Variants in SH3KBP1 observed in about 807,000 individuals in gnomAD.
SH3KBP1 encodes the protein SH3 domain-containing kinase-binding protein 1.
Under a neutral mutation model 50.1 loss-of-function variants are expected in SH3KBP1, and 8 were observed. That is an observed-to-expected ratio of 0.16 (90% CI 0.09 to 0.29). The LOEUF is 0.29. Ranked by LOEUF, SH3KBP1 falls within the 10% of genes least tolerant of loss-of-function variation. The probability of loss-of-function intolerance (pLI) is 1.00; values close to 1 mark genes in which losing one functional copy is unlikely to be tolerated. For missense variants in SH3KBP1, 377 were observed against 535.2 expected, an observed-to-expected ratio of 0.70 and a Z score of 2.92; for synonymous variants, 227 against 218.6, an observed-to-expected ratio of 1.04 and a Z score of -0.34.
In SH3KBP1 at chrX:19,766,219, G is replaced by A. The variant is rs779450767; in HGVS notation, c.163-19778C>T. Among the ~76,000 whole-genome samples, 13 of 110,395 alleles carry A rather than the reference G, an allele frequency of 1.2e-4. No homozygotes were observed. The South Asian group carries it at 4.2e-3, about 36-fold the overall frequency. ...TAGCAGCCATCCTAATGGGTATGAG[G>A]TGCAATCTCACTGTGATTTTGATTT... On this transcript the variant is annotated intron_variant, in intron 2 of 17. Transcript: ENST00000397821.
At chrX:19,713,815 T>C (rs1357221415) in intron 3 of SH3KBP1, among the ~76,000 whole-genome samples, 1 of 112,030 alleles carries the variant, frequency 8.9e-6, no homozygotes, top group Non-Finnish European at 1.9e-5. Flanking sequence ...ATTCTTTCAA[T>C]CTAACTGTAT....
At chrX:19,656,156 T>C (rs1361197393) in intron 6 of SH3KBP1, among the ~76,000 whole-genome samples, 1 of 111,326 alleles carries the variant, frequency 9.0e-6, no homozygotes, top group Non-Finnish European at 1.9e-5. Context: ...GGAGAGCTGC[T>C]TGGGCTCAAA....
intron 1 of SH3KBP1, among the ~76,000 whole-genome samples, chrX:19,856,755 G>A (rs180833405): frequency 2.7e-5 from 3 of 110,084 alleles, no homozygotes; most frequent in Non-Finnish European, 3.8e-5. Context: ...CCAGCCTCCC[G>A]GACCGTGAGA....
rs148660061 is a variant in SH3KBP1 at position 19,691,906 on chromosome X, C to T, written c.520+3706G>A. 6.5e-3 allele frequency among the ~76,000 whole-genome samples: 724 copies of T among 111,278 alleles called. 4 individuals are homozygous for T. The highest frequency in any genetic ancestry group is 0.01 in the Non-Finnish European group (551 of 53,005). ...TGCCTTCAAGATAATATGGACAAAGCGTGCAGAGGGCTATAATTTTAACAA... is the reference window on the plus strand; with the variant it reads ...TGCCTTCAAGATAATATGGACAAAGTGTGCAGAGGGCTATAATTTTAACAA... On this transcript the variant is annotated intron_variant, in intron 5 of 17. Transcript: ENST00000397821.
intron 2 of SH3KBP1, among the ~76,000 whole-genome samples, chrX:19,825,735 G>A (rs930627954): frequency 1.8e-5 from 2 of 111,501 alleles, no homozygotes; most frequent in African/African-American, 3.3e-5. Flanking sequence ...TCAGCCAGGC[G>A]TGGTGGTGCA....
intron 2 of SH3KBP1, among the ~76,000 whole-genome samples, chrX:19,764,310 T>C (rs1243150502): frequency 9.0e-6 from 1 of 111,569 alleles, no homozygotes; most frequent in African/African-American, 3.3e-5. Flanking sequence ...AATATCTGCG[T>C]TTATTTAGCT....
At chrX:19,539,780 T>C (rs2064828590) in intron 16 of SH3KBP1, among the ~76,000 whole-genome samples, 2 of 111,269 alleles carry the variant, frequency 1.8e-5, no homozygotes, top group South Asian at 7.7e-4. Flanking sequence ...AAGAGACTAG[T>C]AGGGACCCAC....
rs1019665312 is a variant in SH3KBP1 at position 19,820,021 on chromosome X, T to C, written c.162+16104A>G. 8.0e-5 allele frequency among the ~76,000 whole-genome samples: 9 copies of C among 112,166 alleles called. No homozygotes were observed. The South Asian group carries it at 1.8e-3, about 23-fold the overall frequency. On this transcript the variant is annotated intron_variant, in intron 2 of 17. Coordinates refer to ENST00000397821, the MANE Select transcript of SH3KBP1 (RefSeq NM_031892.3). ...GATTTCCAAGTGTTTGGAGATTTTC[T>C]GATCTTTCCATTACTGACTTCTAGC... is the stretch of plus-strand genomic sequence containing the variant.
chrX:19,887,033 C>T (rs750309993), intron 1 of SH3KBP1, among the ~76,000 whole-genome samples: 3 of 111,847 alleles, frequency 2.7e-5, no homozygotes, highest in African/African-American at 9.7e-5. Flanking sequence ...AACCACACCC[C>T]CTGCATCCCT....
At chrX:19,845,200 C>T (rs948760912) in intron 1 of SH3KBP1, among the ~76,000 whole-genome samples, 1 of 111,041 alleles carries the variant, frequency 9.0e-6, no homozygotes, top group Non-Finnish European at 1.9e-5. Context: ...AAAAACAGGC[C>T]GGGCACGGTG....
chrX:19,761,548 G>T (rs1440225153), intron 2 of SH3KBP1, among the ~76,000 whole-genome samples: 1 of 112,142 alleles, frequency 8.9e-6, no homozygotes, highest in Admixed American at 9.4e-5. Flanking sequence ...CCTGAGATAT[G>T]TGCATATAGA....
At chrX:19,760,037 T>TCTCCCTCTCC (rs1569459412) in intron 2 of SH3KBP1, among the ~76,000 whole-genome samples, 4 of 63,862 alleles carry the variant, frequency 6.3e-5, no homozygotes, top group African/African-American at 3.3e-4. Flanking sequence ...TCTCTCTCTC[T>TCTCCCTCTCC]CTCCCTCTCT....
intron 3 of SH3KBP1, among the ~76,000 whole-genome samples, chrX:19,715,523 T>C (rs1411445480): frequency 3.6e-5 from 4 of 111,242 alleles, no homozygotes; most frequent in African/African-American, 1.3e-4. Context: ...AATGTCAATA[T>C]TGGTCTGAGG....
intron 1 of SH3KBP1, among the ~76,000 whole-genome samples, chrX:19,885,509 C>G (rs1010225928): frequency 8.9e-6 from 1 of 111,964 alleles, no homozygotes; most frequent in Non-Finnish European, 1.9e-5. Flanking sequence ...CAGGAGCACT[C>G]TATTTTTCGT....
chrX:19,844,496 C>T (rs1373571822), intron 1 of SH3KBP1, among the ~76,000 whole-genome samples: 1 of 112,112 alleles, frequency 8.9e-6, no homozygotes, highest in Non-Finnish European at 1.9e-5. Flanking sequence ...CGCCACTAGT[C>T]CAGGCCTCTC....
At chrX:19,578,108 C>G (rs980345634) in intron 12 of SH3KBP1, among the ~76,000 whole-genome samples, 1 of 112,077 alleles carries the variant, frequency 8.9e-6, no homozygotes, top group Admixed American at 9.5e-5. Flanking sequence ...ATGTGCAGAT[C>G]CTAGAGAAAC....
intron 13 of SH3KBP1, 59 bp downstream of exon 13, chrX:19,569,044 A>T: frequency 9.8e-7 from 1 of 1,021,947 alleles, no homozygotes; most frequent in Non-Finnish European, 1.4e-6. Flanking sequence ...AAGGCAAGCC[A>T]GGCTCTGAGG....
intron 13 of SH3KBP1, among the ~76,000 whole-genome samples, chrX:19,554,123 T>G (rs1418555605): frequency 1.9e-5 from 1 of 53,487 alleles, no homozygotes; most frequent in African/African-American, 1.1e-4. Context: ...AATATAATAT[T>G]ATATATCATA....
At chrX:19,710,559 A>G (rs1000179322) in intron 3 of SH3KBP1, among the ~76,000 whole-genome samples, 2 of 111,590 alleles carry the variant, frequency 1.8e-5, no homozygotes, top group African/African-American at 6.5e-5. Context: ...CATTCCCATA[A>G]CTTTTATTAT....
Sources: gnomAD v4.1 joint callset for allele counts (sites outside exome capture counted in the v4.1 genomes callset) on GRCh38, gnomAD v4.1.1 for gene constraint, MANE v1.5 for transcripts, NCBI Gene and HGNC (gene_info 2026-07-23, HGNC 2026-07-21) for gene names.